The following ZDHHC21 variants were observed in gnomAD, a reference collection of about 807,000 sequenced individuals.
The protein encoded by ZDHHC21 is palmitoyltransferase ZDHHC21.
In ZDHHC21, 15 loss-of-function variants were observed where a neutral mutation model predicts 34.6. The observed-to-expected ratio is 0.43, with a 90% CI of 0.29 to 0.67. The LOEUF (loss-of-function observed/expected upper bound fraction) is 0.67, where lower values mean the gene tolerates loss of function less well. Among genes scored for constraint, ZDHHC21 ranks in the 30% least tolerant of loss-of-function variants. The pLI, the probability that ZDHHC21 is intolerant of heterozygous loss-of-function variation, is 0.14. For missense variants in ZDHHC21, 344 were observed against 327.7 expected (o/e 1.05, Z -0.38); for synonymous variants, 142 against 101.8 (o/e 1.40, Z -2.38).
chr9:14,659,859 G>C (rs1340078875), intron 6 of ZDHHC21, among the ~76,000 whole-genome samples: 1 of 152,154 alleles, frequency 6.6e-6, no homozygotes, highest in Non-Finnish European at 1.5e-5. Context: ...AGGATTATAA[G>C]AGAAGTGTGC....
At chr9:14,628,636 C>T (rs1428458735) in intron 8 of ZDHHC21, among the ~76,000 whole-genome samples, 1 of 152,050 alleles carries the variant, frequency 6.6e-6, no homozygotes. Context: ...ATTCTTTCTC[C>T]CACTTCTTTC....
chr9:14,631,779 G>C (rs564184329), intron 8 of ZDHHC21, among the ~76,000 whole-genome samples: 1 of 152,282 alleles, frequency 6.6e-6, no homozygotes, highest in East Asian at 1.9e-4. Flanking sequence ...GGAATGGCCA[G>C]TGAATGCAGC....
In ZDHHC21 at chr9:14,690,225, G is replaced by A. The variant is rs1285206470; in HGVS notation, c.-176+112C>T. On this transcript the variant is annotated intron_variant, in intron 2 of 9. Coordinates refer to ENST00000380916, the MANE Select transcript of ZDHHC21 (RefSeq NM_178566.6). ...TTCTAGTACCCACCACACCAAGAGAGATTGGTGGGGGGTTGGGGGTAGAAG... is the reference window on the plus strand; with the variant it reads ...TTCTAGTACCCACCACACCAAGAGAAATTGGTGGGGGGTTGGGGGTAGAAG... The A allele has an allele frequency of 1.0e-5, 4 of 388,878 alleles. No homozygotes were observed. In the Admixed American group the frequency reaches 1.4e-4, roughly 13 times the overall value. The allele number at this position is 388,878 out of a possible 1,614,324, so 24.1% of individuals were successfully genotyped here. A position where few individuals can be genotyped will look rare whatever the true frequency, so the allele number is the denominator to read the frequency against.
Position 14,618,194 on chromosome 9 carries a change from C to G in ZDHHC21, c.*772G>C, listed in dbSNP as rs1455856293. 2 of 152,448 alleles carry G rather than the reference C, an allele frequency of 1.3e-5. No individual in the cohort carries two copies. The highest frequency in any genetic ancestry group is 4.8e-5 in the African/African-American group (2 of 41,418). 9.4% of individuals were successfully genotyped at this position (152,448 alleles called of 1,614,324 possible). On this transcript the variant is annotated 3_prime_UTR_variant, in exon 10 of 10. Coordinates refer to ENST00000380916, the MANE Select transcript of ZDHHC21 (RefSeq NM_178566.6). ...TCTTAGGATAAAATAGGAATACATG[C>G]CCACTGGTCAGGAGTTCTCCTGGGA...
chr9:14,592,247 T>C, the ZDHHC21 span, among the ~76,000 whole-genome samples: 5 of 152,136 alleles, frequency 3.3e-5, no homozygotes, highest in African/African-American at 4.8e-5. Context: ...AGAATGTCCA[T>C]TGTAACTCAT....
At chr9:14,631,491 A>T (rs1199076984) in intron 8 of ZDHHC21, among the ~76,000 whole-genome samples, 1 of 152,210 alleles carries the variant, frequency 6.6e-6, no homozygotes, top group Non-Finnish European at 1.5e-5. Context: ...TATCATTTGT[A>T]CGTTCTGTGA....
chr9:14,657,834 T>A (rs368287641), intron 7 of ZDHHC21, among the ~76,000 whole-genome samples: 1 of 152,322 alleles, frequency 6.6e-6, no homozygotes, highest in Non-Finnish European at 1.5e-5. Flanking sequence ...CTGAGGAATT[T>A]TATTTTAATG....
the ZDHHC21 span, among the ~76,000 whole-genome samples, chr9:14,596,914 A>G: frequency 6.6e-6 from 1 of 152,170 alleles, no homozygotes; most frequent in Non-Finnish European, 1.5e-5. Flanking sequence ...CTTCTGAGGC[A>G]TGGAAGGAGA....
the ZDHHC21 span, chr9:14,594,017 G>C: frequency 6.6e-6 from 1 of 152,150 alleles, no homozygotes; most frequent in Non-Finnish European, 1.5e-5. Flanking sequence ...CACAGTAATC[G>C]AGGAACCCAC....
chr9:14,629,323 T>C (rs10810190), intron 8 of ZDHHC21, among the ~76,000 whole-genome samples: 16,470 of 152,104 alleles, frequency 0.11, 1,234 homozygotes, highest in East Asian at 0.32. Flanking sequence ...CTTAATAAAA[T>C]GTAACGTTCA....
intron 8 of ZDHHC21, among the ~76,000 whole-genome samples, chr9:14,631,739 G>T (rs1294177347): frequency 6.6e-6 from 1 of 152,082 alleles, no homozygotes; most frequent in Non-Finnish European, 1.5e-5. Flanking sequence ...GTATCTTAGG[G>T]AATAGCAAGG....
chr9:14,674,804 A>G (rs1009906026), intron 3 of ZDHHC21, among the ~76,000 whole-genome samples: 1 of 152,010 alleles, frequency 6.6e-6, no homozygotes, highest in Admixed American at 6.6e-5. Context: ...GATGGGTCAC[A>G]CAAGTCAAAA....
rs560154112 is a variant in ZDHHC21 at position 14,615,216 on chromosome 9, C to G, written c.*3750G>C. On this transcript the variant is annotated 3_prime_UTR_variant, in exon 10 of 10. Coordinates refer to ENST00000380916, the MANE Select transcript of ZDHHC21 (RefSeq NM_178566.6). ...AACTTAAGTCTTCATGATTAGCATT[C>G]AGAATTAATACACCCTTTGGAGTGA... The G allele has an allele frequency of 6.6e-6, 1 of 151,722 alleles. No individual in the cohort carries two copies. Among genetic ancestry groups the G allele is most frequent in the Non-Finnish European group, 1.5e-5 (1 of 67,704 alleles). 9.4% of individuals were successfully genotyped at this position (151,722 alleles called of 1,614,324 possible).
chr9:14,681,947 A>G (rs182657724), intron 2 of ZDHHC21, among the ~76,000 whole-genome samples: 13 of 152,314 alleles, frequency 8.5e-5, no homozygotes, highest in African/African-American at 2.9e-4. Context: ...ACTAAGCTTC[A>G]TAAGTGAAGG....
chr9:14,672,411 C>T (rs530590900), intron 5 of ZDHHC21, among the ~76,000 whole-genome samples: 5 of 152,074 alleles, frequency 3.3e-5, no homozygotes, highest in Non-Finnish European at 5.9e-5. Flanking sequence ...TCCCCAGATT[C>T]GTAACAAAGG....
At chr9:14,624,502 C>A (rs1056455675) in intron 8 of ZDHHC21, among the ~76,000 whole-genome samples, 1 of 151,984 alleles carries the variant, frequency 6.6e-6, no homozygotes, top group Non-Finnish European at 1.5e-5. Flanking sequence ...GAATGAAGTA[C>A]GATCATTTGT....
At chr9:14,663,472 CTTTT>C (rs890564886) in intron 5 of ZDHHC21, among the ~76,000 whole-genome samples, 5 of 123,728 alleles carry the variant, frequency 4.0e-5, no homozygotes, top group South Asian at 5.3e-4. Context: ...ATTCAATTTT[CTTTT>C]TTTTTTCAGA....
chr9:14,645,128 G>A (rs1830070348), intron 7 of ZDHHC21, among the ~76,000 whole-genome samples: 1 of 152,024 alleles, frequency 6.6e-6, no homozygotes, highest in Admixed American at 6.6e-5. Context: ...CAGGGGTGGT[G>A]AGAGGAGAAA....
chr9:14,596,201 G>T, the ZDHHC21 span, among the ~76,000 whole-genome samples: 1 of 152,242 alleles, frequency 6.6e-6, no homozygotes, highest in African/African-American at 2.4e-5. Flanking sequence ...ACAAATTGAA[G>T]ATTGGTAATA....
Sources: gnomAD v4.1 joint callset for allele counts (sites outside exome capture counted in the v4.1 genomes callset) on GRCh38, gnomAD v4.1.1 for gene constraint, MANE v1.5 for transcripts, NCBI Gene and HGNC (gene_info 2026-07-23, HGNC 2026-07-21) for gene names.